Variants in PVT1 observed in about 807,000 individuals in gnomAD.
PVT1 encodes CXCR4/PVT1 fusion.
chr8:128,000,372 G>A (rs970883904), intron 4 of PVT1, among the ~76,000 whole-genome samples: 1 of 152,196 alleles, frequency 6.6e-6, no homozygotes, highest in African/African-American at 2.4e-5. Flanking sequence ...GGAGGGCTTG[G>A]TGCAGAACTG....
chr8:128,007,916 C>T, intron 4 of PVT1, among the ~76,000 whole-genome samples: 1 of 152,264 alleles, frequency 6.6e-6, no homozygotes, highest in East Asian at 1.9e-4. Flanking sequence ...TAGTTGTAGA[C>T]ACAAAGGTGG....
chr8:128,034,070 T>TC (rs1487134735), intron 4 of PVT1, among the ~76,000 whole-genome samples: 1 of 151,940 alleles, frequency 6.6e-6, no homozygotes, highest in African/African-American at 2.4e-5. Context: ...ACCTTTTTTT[T>TC]TTTTTTTGGC....
intron 2 of PVT1, among the ~76,000 whole-genome samples, chr8:127,882,742 C>A (rs1563629655): frequency 6.6e-6 from 1 of 152,252 alleles, no homozygotes; most frequent in East Asian, 1.9e-4. Flanking sequence ...CTCGGCCTCC[C>A]AAAGTGCTGG....
intron 3 of PVT1, among the ~76,000 whole-genome samples, chr8:127,902,985 A>C (rs567133187): frequency 1.3e-5 from 2 of 152,290 alleles, no homozygotes; most frequent in East Asian, 3.9e-4. Context: ...TGGTAGTTCA[A>C]CTTGGAGTTT....
At chr8:127,827,829 C>T (rs1458217030) in intron 2 of PVT1, among the ~76,000 whole-genome samples, 1 of 152,110 alleles carries the variant, frequency 6.6e-6, no homozygotes, top group East Asian at 1.9e-4. Context: ...CTGAAGTCCT[C>T]CTCTGTCCTG....
At chr8:128,090,880 G>A (rs982335264) in intron 5 of PVT1, among the ~76,000 whole-genome samples, 10 of 151,978 alleles carry the variant, frequency 6.6e-5, no homozygotes, top group Admixed American at 5.9e-4. Flanking sequence ...CATGCCCAGC[G>A]ACCTTCCTGC....
rs66807418 is a variant in PVT1, at chr8:128,044,011, A to ATTTTTT, written n.913-26146_913-26145insTTTTTT. 7.3e-4 allele frequency among the ~76,000 whole-genome samples: 71 copies of ATTTTTT among 97,896 alleles called. 1 individual carries two copies. Among genetic ancestry groups the ATTTTTT allele is most frequent in the Middle Eastern group, 4.8e-3 (1 of 208 alleles). 64.2% of individuals were successfully genotyped at this position (97,896 alleles called of 152,430 possible). A position where few individuals can be genotyped will look rare whatever the true frequency, so the allele number is the denominator to read the frequency against. On this transcript the variant is annotated intron_variant and non_coding_transcript_variant, in intron 4 of 10. Coordinates refer to ENST00000651587, the Ensembl canonical transcript of PVT1. ...CCGGTTAATTTTTTTATTATTATTT[A>ATTTTTT]TTTATTTTTTTTTTTTTTTGTAGAG...
chr8:127,837,885 G>T (rs142790974), intron 2 of PVT1, among the ~76,000 whole-genome samples: 22 of 151,688 alleles, frequency 1.5e-4, no homozygotes, highest in African/African-American at 5.3e-4. Flanking sequence ...CTAAAGGGGT[G>T]TGATTATTTA....
chr8:128,050,048 C>T (rs1377998767), intron 4 of PVT1, among the ~76,000 whole-genome samples: 1 of 152,040 alleles, frequency 6.6e-6, no homozygotes, highest in Non-Finnish European at 1.5e-5. Context: ...GAGACACGTG[C>T]TCTGGGCTCT....
intron 3 of PVT1, among the ~76,000 whole-genome samples, chr8:127,897,122 T>A (rs1815688986): frequency 6.6e-6 from 1 of 152,156 alleles, no homozygotes; most frequent in African/African-American, 2.4e-5. Context: ...CAAGAGGGTC[T>A]CTGTTTGACC....
intron 2 of PVT1, among the ~76,000 whole-genome samples, chr8:127,835,886 T>C (rs1265037937): frequency 6.6e-6 from 1 of 152,166 alleles, no homozygotes; most frequent in Non-Finnish European, 1.5e-5. Flanking sequence ...AACACTAGTG[T>C]CTTCCAGCCT....
intron 2 of PVT1, among the ~76,000 whole-genome samples, chr8:127,851,602 T>C (rs995855715): frequency 1.3e-5 from 2 of 152,148 alleles, no homozygotes; most frequent in African/African-American, 4.8e-5. Context: ...GCCTCCACTG[T>C]GAGGTCAGAG....
intron 2 of PVT1, among the ~76,000 whole-genome samples, chr8:127,877,699 C>T (rs1815420749): frequency 6.6e-6 from 1 of 152,130 alleles, no homozygotes; most frequent in African/African-American, 2.4e-5. Flanking sequence ...ACTCTTGAGT[C>T]TCTGTCAAAC....
At chr8:127,952,828 G>C (rs542103869) in intron 3 of PVT1, among the ~76,000 whole-genome samples, 1 of 151,316 alleles carries the variant, frequency 6.6e-6, no homozygotes, top group East Asian at 1.9e-4. Flanking sequence ...GCAAAGGCGC[G>C]ATCTCAGCTC....
chr8:127,981,530 G>A (rs550834535), intron 3 of PVT1, among the ~76,000 whole-genome samples: 2 of 152,324 alleles, frequency 1.3e-5, no homozygotes, highest in South Asian at 4.1e-4. Context: ...AAGCATGCTG[G>A]CGGGAAGGGA....
At chr8:128,098,426 T>C (rs1303248905) in intron 6 of PVT1, among the ~76,000 whole-genome samples, 1 of 151,932 alleles carries the variant, frequency 6.6e-6, no homozygotes, top group Non-Finnish European at 1.5e-5. Flanking sequence ...GGAGAGCTTT[T>C]CAAGTCACCC....
At chr8:128,032,042 A>G (rs935123166) in intron 4 of PVT1, among the ~76,000 whole-genome samples, 14 of 152,238 alleles carry the variant, frequency 9.2e-5, no homozygotes, top group Non-Finnish European at 1.9e-4. Flanking sequence ...CATTTCATGT[A>G]GCAATCTGCT....
intron 2 of PVT1, among the ~76,000 whole-genome samples, chr8:127,859,727 C>CA (rs1183158409): frequency 6.6e-6 from 1 of 152,006 alleles, no homozygotes; most frequent in African/African-American, 2.4e-5. Flanking sequence ...GCTTTAGAGT[C>CA]ACCTGGGGTT....
intron 3 of PVT1, among the ~76,000 whole-genome samples, chr8:127,967,060 G>A (rs752236): frequency 2.5e-3 from 382 of 152,212 alleles, no homozygotes; most frequent in Non-Finnish European, 4.5e-3. Context: ...ACTTTAATTC[G>A]AGGGTGGCAC....
Sources: allele counts gnomAD v4.1 joint callset (sites outside exome capture counted in the v4.1 genomes callset), GRCh38; gene constraint gnomAD v4.1.1; transcripts MANE v1.5; gene names NCBI Gene and HGNC (gene_info 2026-07-23, HGNC 2026-07-21).